Variants in HECTD2 observed in about 807,000 individuals in gnomAD.
The protein encoded by HECTD2 is probable E3 ubiquitin-protein ligase HECTD2.
A neutral mutation model predicts 103.2 loss-of-function variants in HECTD2; 35 were observed. The observed-to-expected ratio is 0.34, with a 90% CI of 0.26 to 0.45. The LOEUF is 0.45. Ranked by LOEUF, HECTD2 falls within the 20% of genes least tolerant of loss-of-function variation. The pLI is 1.00. For synonymous variants in HECTD2, 281 were observed against 329.9 expected, an observed-to-expected ratio of 0.85 and a Z score of 1.61; for missense variants, 596 against 937.4, an observed-to-expected ratio of 0.64 and a Z score of 4.76.
At chr10:91,510,242 G>C (rs1847370582) in intron 20 of HECTD2, among the ~76,000 whole-genome samples, 1 of 152,148 alleles carries the variant, frequency 6.6e-6, no homozygotes, top group African/African-American at 2.4e-5. Context: ...TGGTTATCCT[G>C]ATTCTTTAGT....
intron 6 of HECTD2, among the ~76,000 whole-genome samples, chr10:91,478,624 T>A (rs2133268068): frequency 6.6e-6 from 1 of 152,228 alleles, no homozygotes; most frequent in East Asian, 1.9e-4. Flanking sequence ...GTAGCCAGAG[T>A]GAAATTTTTC....
At chr10:91,454,135 C>CG (rs545288928) in intron 2 of HECTD2, among the ~76,000 whole-genome samples, 238 of 152,170 alleles carry the variant, frequency 1.6e-3, no homozygotes, top group Middle Eastern at 3.4e-3. Context: ...GCTAGAAAAT[C>CG]AACAAGTATG....
At chr10:91,450,228 A>C (rs1258331880) in intron 2 of HECTD2, among the ~76,000 whole-genome samples, 1 of 152,176 alleles carries the variant, frequency 6.6e-6, no homozygotes, top group Non-Finnish European at 1.5e-5. Context: ...CCACACATCT[A>C]CAGTAATCTG....
Position 91,499,027 on chromosome 10 carries a change from G to A in HECTD2, c.1844-17G>A. The A allele has an allele frequency of 1.3e-6, 2 of 1,581,020 alleles. No homozygotes were observed. Among genetic ancestry groups the A allele is most frequent in the Non-Finnish European group, 1.7e-6 (2 of 1,151,168 alleles). On this transcript the variant is annotated splice_polypyrimidine_tract_variant and intron_variant, in intron 17 of 20. Transcript: ENST00000298068. ...CATTTACTTTTACTATTTAAGAGAT[G>A]TAAAATTGCTTTTCAGAATATGTAC...
chr10:91,474,459 G>A (rs1397308826), intron 5 of HECTD2, among the ~76,000 whole-genome samples: 1 of 152,118 alleles, frequency 6.6e-6, no homozygotes, highest in Admixed American at 6.5e-5. Context: ...AGTTGAAATC[G>A]TTGTTACTAA....
At chr10:91,409,256 A>G (rs1294602661), upstream of HECTD2, 2 of 152,170 alleles carry the variant, frequency 1.3e-5, no homozygotes, top group Admixed American at 6.5e-5. Flanking sequence ...AGACTGAGAA[A>G]AAGGAAAAGG....
chr10:91,470,753 G>A (rs896969635), intron 5 of HECTD2, among the ~76,000 whole-genome samples: 2 of 151,892 alleles, frequency 1.3e-5, no homozygotes, highest in Non-Finnish European at 2.9e-5. Context: ...ACCCTAAACA[G>A]ACCAATAATG....
At chr10:91,416,296 TA>T (rs1843123636) in intron 1 of HECTD2, among the ~76,000 whole-genome samples, 1 of 152,154 alleles carries the variant, frequency 6.6e-6, no homozygotes, top group Non-Finnish European at 1.5e-5. Context: ...TTAACACACA[TA>T]AAACATTTAG....
At chr10:91,468,939 C>A (rs1392714351) in intron 5 of HECTD2, among the ~76,000 whole-genome samples, 2,297 of 97,674 alleles carry the variant, frequency 0.024, no homozygotes, top group Middle Eastern at 0.039. Context: ...CTGTCTCACT[C>A]AAAAAAAAAA....
At chr10:91,507,228 C>CCAT (rs1564740677) in intron 20 of HECTD2, among the ~76,000 whole-genome samples, 1 of 150,686 alleles carries the variant, frequency 6.6e-6, no homozygotes, top group Non-Finnish European at 1.5e-5. Flanking sequence ...ACAGGGATGC[C>CCAT]CTCTCTCACC....
intron 2 of HECTD2, among the ~76,000 whole-genome samples, chr10:91,458,805 G>A (rs1845221470): frequency 6.6e-6 from 1 of 151,772 alleles, no homozygotes; most frequent in Admixed American, 6.6e-5. Context: ...AACGATCTTT[G>A]GGCTCTAGAA....
intron 5 of HECTD2, among the ~76,000 whole-genome samples, chr10:91,468,454 C>T (rs1306098052): frequency 6.6e-6 from 1 of 152,204 alleles, no homozygotes; most frequent in African/African-American, 2.4e-5. Flanking sequence ...CGAATGTCAA[C>T]TCACTCAGAT....
At chr10:91,498,028 A>G in intron 15 of HECTD2, 80 bp from the exon 16 acceptor site, 1 of 863,486 alleles carries the variant, frequency 1.2e-6, no homozygotes, top group Non-Finnish European at 2.0e-6. Context: ...ATACATATGC[A>G]TGAGCTATAG....
intron 1 of HECTD2, among the ~76,000 whole-genome samples, chr10:91,421,021 C>A (rs1288340627): frequency 6.6e-6 from 1 of 152,120 alleles, no homozygotes; most frequent in East Asian, 1.9e-4. Context: ...TTCCCTCAAA[C>A]CTTTGCATTC....
At chr10:91,437,158 A>C (rs1272205800) in intron 2 of HECTD2, among the ~76,000 whole-genome samples, 1 of 152,072 alleles carries the variant, frequency 6.6e-6, no homozygotes, top group African/African-American at 2.4e-5. Flanking sequence ...TGTTTATTTT[A>C]TTCACAAATA....
At chr10:91,467,416 G>A (rs1324639049) in intron 5 of HECTD2, among the ~76,000 whole-genome samples, 1 of 152,158 alleles carries the variant, frequency 6.6e-6, no homozygotes, top group Non-Finnish European at 1.5e-5. Context: ...GTCAGACCTG[G>A]ACAGAGTAGG....
chr10:91,497,126 ATTTTTT>A (rs56923120), intron 15 of HECTD2, among the ~76,000 whole-genome samples: 6 of 97,370 alleles, frequency 6.2e-5, no homozygotes, highest in Admixed American at 6.1e-4. Context: ...TGCCCGGCAA[ATTTTTT>A]TTTTTTTTTT....
chr10:91,432,675 A>C (rs922624697), intron 2 of HECTD2, among the ~76,000 whole-genome samples: 1 of 152,028 alleles, frequency 6.6e-6, no homozygotes, highest in Non-Finnish European at 1.5e-5. Context: ...CTTTAAAAAA[A>C]AAAATCTTTC....
chr10:91,467,606 T>C (rs1290661583), intron 5 of HECTD2, among the ~76,000 whole-genome samples: 5 of 151,974 alleles, frequency 3.3e-5, no homozygotes, highest in Admixed American at 6.6e-5. Flanking sequence ...TCCAGCAGAG[T>C]GGCCCCCACC....
Sources: gnomAD v4.1 joint callset for allele counts (sites outside exome capture counted in the v4.1 genomes callset) on GRCh38, gnomAD v4.1.1 for gene constraint, MANE v1.5 for transcripts, NCBI Gene and HGNC (gene_info 2026-07-23, HGNC 2026-07-21) for gene names.